The following RNF19B variants were observed in gnomAD, a reference collection of about 807,000 sequenced individuals.
RNF19B encodes E3 ubiquitin-protein ligase RNF19B.
Under a neutral mutation model 65.5 loss-of-function variants are expected in RNF19B, and 23 were observed. The ratio of observed to expected loss-of-function variants is 0.35; its 90% CI spans 0.25 to 0.50. The LOEUF is 0.50. Ranked by LOEUF, RNF19B falls within the 20% of genes least tolerant of loss-of-function variation. The pLI, the probability that RNF19B is intolerant of heterozygous loss-of-function variation, is 0.98. For synonymous variants in RNF19B, 372 were observed against 379.6 expected (o/e 0.98, Z 0.23); for missense variants, 794 against 980.0 (o/e 0.81, Z 2.53).
At chr1:32,950,512 TAAAG>T (rs1642468047) in intron 1 of RNF19B, among the ~76,000 whole-genome samples, 1 of 152,060 alleles carries the variant, frequency 6.6e-6, no homozygotes. Flanking sequence ...ATTAGTGAAA[TAAAG>T]AGCTATGGCA....
chr1:32,935,024 G>C (rs1642073831), downstream of RNF19B, among the ~76,000 whole-genome samples: 1 of 151,882 alleles, frequency 6.6e-6, no homozygotes, highest in South Asian at 2.1e-4. Flanking sequence ...TAGAGACGGG[G>C]TTTCACCATG....
rs375150376 is a variant in RNF19B, at chr1:32,952,429, T to TAAA, written c.636-2658_636-2656dup. Among the ~76,000 whole-genome samples the TAAA allele has an allele frequency of 3.9e-3, 287 of 73,994 alleles. 13 individuals are homozygous for TAAA. Among genetic ancestry groups the TAAA allele is most frequent in the African/African-American group, 0.017 (238 of 14,084 alleles). 48.5% of individuals were successfully genotyped at this position (73,994 alleles called of 152,430 possible). On this transcript the variant is annotated intron_variant, in intron 1 of 8. Transcript: ENST00000235150. ...GGCAACACAGCAAGACCTTTTCTCT[T>TAAA]AAAAAAAAAAAAAAAAAAAAAAAAA...
chr1:32,930,813 C>T, the RNF19B span, among the ~76,000 whole-genome samples: 1 of 152,208 alleles, frequency 6.6e-6, no homozygotes, highest in South Asian at 2.1e-4. Context: ...CTTGGCCGGT[C>T]GCAGTGGCTC....
Position 32,936,835 on chromosome 1 carries a change from T to TC in RNF19B, c.2166dup (p.Lys723GlufsTer38). ...ACTCTGGCTTCTCCACCTTCTGGCTTCAAGACAGTTTGTCCCTCGGCTAGG... is the reference window on the plus strand; with the variant it reads ...ACTCTGGCTTCTCCACCTTCTGGCTTCCAAGACAGTTTGTCCCTCGGCTAGG... On this transcript the variant is annotated frameshift_variant, in exon 9 of 9. Transcript: ENST00000235150. LOFTEE classifies it high-confidence loss of function. 1 of 1,583,478 alleles carries TC rather than the reference T, an allele frequency of 6.3e-7. No individual in the cohort carries two copies. The highest frequency in any genetic ancestry group is 8.6e-7 in the Non-Finnish European group (1 of 1,161,170).
intron 7 of RNF19B, among the ~76,000 whole-genome samples, chr1:32,941,656 T>G (rs1467717425): frequency 6.6e-6 from 1 of 152,242 alleles, no homozygotes; most frequent in Non-Finnish European, 1.5e-5. Context: ...TCTCCCTTCC[T>G]GAAGCAGGCA....
Position 32,956,136 on chromosome 1 carries a change from T to C in RNF19B, c.636-6362A>G, listed in dbSNP as rs141913730. On this transcript the variant is annotated intron_variant, in intron 1 of 8. Coordinates refer to ENST00000235150, the MANE Select transcript of RNF19B (RefSeq NM_001300826.2). The stretch of plus-strand genomic sequence containing the variant: ...ATCCCAGCACTTTGGGAGGCTGAGG[T>C]GGGTGGATCACCTGAGGTCAGGAGT... Among the ~76,000 whole-genome samples, 486 of 152,026 alleles carry C rather than the reference T, an allele frequency of 3.2e-3. 2 individuals carry two copies. Among genetic ancestry groups the C allele is most frequent in the African/African-American group, 0.011 (468 of 41,482 alleles).
intron 6 of RNF19B, 40 bp from the exon 7 acceptor site, chr1:32,942,499 C>G (rs748691186): frequency 1.3e-6 from 2 of 1,556,524 alleles, no homozygotes; most frequent in Non-Finnish European, 1.8e-6. Flanking sequence ...GACAGCAGAG[C>G]ATCAAAACAG....
At chr1:32,933,485 G>A (rs1326121027), downstream of RNF19B, among the ~76,000 whole-genome samples, 1 of 152,016 alleles carries the variant, frequency 6.6e-6, no homozygotes, top group East Asian at 1.9e-4. Context: ...TCGATCTCCC[G>A]ACCTTGTGAG....
At chr1:32,936,001 G>A (rs569598638), downstream of RNF19B, among the ~76,000 whole-genome samples, 7 of 151,422 alleles carry the variant, frequency 4.6e-5, no homozygotes, top group East Asian at 2.0e-4. Context: ...CACCTGCCTC[G>A]GCCTCCCAAA....
At chr1:32,941,221 C>CA (rs995262112) in intron 7 of RNF19B, among the ~76,000 whole-genome samples, 103 of 150,132 alleles carry the variant, frequency 6.9e-4, no homozygotes, top group African/African-American at 2.1e-3. Flanking sequence ...AGAAAAAAAA[C>CA]AAAAAAAAAT....
intron 1 of RNF19B, among the ~76,000 whole-genome samples, chr1:32,963,262 T>G (rs1642814209): frequency 6.6e-6 from 1 of 152,086 alleles, no homozygotes; most frequent in African/African-American, 2.4e-5. Flanking sequence ...GTCACCTCCA[T>G]CCCAACTTTC....
intron 8 of RNF19B, 94 bp from the exon 9 acceptor site, chr1:32,937,353 A>G (rs202105545): frequency 3.2e-5 from 51 of 1,588,450 alleles, no homozygotes; most frequent in Non-Finnish European, 4.3e-5. Context: ...AGGAATTTCA[A>G]AAAGATAGGT....
chr1:32,934,402 C>G (rs138116506), downstream of RNF19B, among the ~76,000 whole-genome samples: 381 of 152,200 alleles, frequency 2.5e-3, 2 homozygotes, highest in African/African-American at 8.7e-3. Context: ...ATCTGAGGGC[C>G]GGGCGAGGTG....
At position 32,936,837 on chromosome 1, in the gene RNF19B, AAGAC is replaced by A; in HGVS notation, c.2161_2164del (p.Val721Ter). 1 of 1,584,636 alleles carries A rather than the reference AAGAC, an allele frequency of 6.3e-7. No homozygotes were observed. Among genetic ancestry groups the A allele is most frequent in the Non-Finnish European group, 8.6e-7 (1 of 1,161,716 alleles). ...TCTGGCTTCTCCACCTTCTGGCTTC[AAGAC>A]AGTTTGTCCCTCGGCTAGGGCAGAG... On this transcript the variant is annotated frameshift_variant, in exon 9 of 9. Transcript: ENST00000235150. LOFTEE classifies it high-confidence loss of function.
Position 32,936,876 on chromosome 1 carries a change from T to C in RNF19B, c.2126A>G (p.His709Arg). The change falls in exon 9 of 9, where the codon CAT becomes CGT. Residue 709 changes from histidine (H) to arginine (R), a missense_variant. Transcript: ENST00000235150. ...RAQGAPSPSAHMNLSALAEGQ... is the reference protein window; with the variant it reads ...RAQGAPSPSARMNLSALAEGQ... ...CTCGGCTAGGGCAGAGAGGTTCATATGGGCACTTGGGCTCGGTGCACCTTG... is the reference window on the plus strand; with the variant it reads ...CTCGGCTAGGGCAGAGAGGTTCATACGGGCACTTGGGCTCGGTGCACCTTG... The C allele has an allele frequency of 1.2e-6, 2 of 1,612,752 alleles. No individual in the cohort carries two copies. The highest frequency in any genetic ancestry group is 1.7e-6 in the Non-Finnish European group (2 of 1,179,052).
At chr1:32,933,943 C>A (rs199580775), downstream of RNF19B, among the ~76,000 whole-genome samples, 11 of 152,276 alleles carry the variant, frequency 7.2e-5, no homozygotes, top group East Asian at 2.1e-3. Flanking sequence ...ACTGCCCCTC[C>A]AACAGACTTC....
rs972379678 is a variant in RNF19B at position 32,944,082 on chromosome 1, C to T, written c.1339G>A (p.Val447Ile). ...ACTCCTTTTCCGTTGGCTGTGCTAACTCCACAGCCGCCTCCACGACAAAGA... is the reference window on the plus strand; with the variant it reads ...ACTCCTTTTCCGTTGGCTGTGCTAATTCCACAGCCGCCTCCACGACAAAGA... ...ISLCRGGGCG[V>I]STANGKGVKI... The change falls in exon 6 of 9, where the codon GTT becomes ATT. Residue 447 changes from valine (V) to isoleucine (I), a missense_variant. Transcript: ENST00000235150. The T allele has an allele frequency of 6.2e-7, 1 of 1,613,684 alleles. No individual in the cohort carries two copies. Among genetic ancestry groups the T allele is most frequent in the Non-Finnish European group, 8.5e-7 (1 of 1,179,778 alleles).
Position 32,959,760 on chromosome 1 carries a change from G to A in RNF19B, c.635+4291C>T, listed in dbSNP as rs556222168. Among the ~76,000 whole-genome samples, 155 of 152,056 alleles carry A rather than the reference G, an allele frequency of 1.0e-3. 2 individuals carry two copies. Among genetic ancestry groups the A allele is most frequent in the Non-Finnish European group, 2.5e-4 (17 of 67,984 alleles). On this transcript the variant is annotated intron_variant, in intron 1 of 8. Coordinates refer to ENST00000235150, the MANE Select transcript of RNF19B (RefSeq NM_001300826.2). ...GTATATTAAATAATAATGTGAGGCCGGGCACAGTGGCTCACGCCTGTAATC... is the reference window on the plus strand; with the variant it reads ...GTATATTAAATAATAATGTGAGGCCAGGCACAGTGGCTCACGCCTGTAATC...
At chr1:32,957,616 T>C (rs930818411) in intron 1 of RNF19B, among the ~76,000 whole-genome samples, 1 of 152,094 alleles carries the variant, frequency 6.6e-6, no homozygotes, top group Non-Finnish European at 1.5e-5. Flanking sequence ...GGTGGCTCGC[T>C]TGAAGTCAGG....
Sources: gnomAD v4.1 joint callset for allele counts (sites outside exome capture counted in the v4.1 genomes callset) on GRCh38, gnomAD v4.1.1 for gene constraint, MANE v1.5 for transcripts, NCBI Gene and HGNC (gene_info 2026-07-23, HGNC 2026-07-21) for gene names.